PI4K2B: variants seen among roughly 807,000 people sequenced by gnomAD.
The protein encoded by PI4K2B is phosphatidylinositol 4-kinase type 2-beta.
In PI4K2B, 46 loss-of-function variants were observed where a neutral mutation model predicts 56.6. The ratio of observed to expected loss-of-function variants is 0.81; its 90% CI spans 0.64 to 1.04. The LOEUF (loss-of-function observed/expected upper bound fraction) is 1.04, where lower values mean the gene tolerates loss of function less well. Ranked by LOEUF, PI4K2B falls within the 50% of genes least tolerant of loss-of-function variation. PI4K2B has a pLI of 0.00. For synonymous variants in PI4K2B, 211 were observed against 223.8 expected (o/e 0.94, Z 0.51); for missense variants, 556 against 607.7 (o/e 0.91, Z 0.89).
intron 6 of PI4K2B, among the ~76,000 whole-genome samples, 167 bp from the exon 7 acceptor site, chr4:25,263,583 A>G (rs1335995438): frequency 1.3e-5 from 2 of 152,148 alleles, no homozygotes; most frequent in Non-Finnish European, 1.5e-5. Flanking sequence ...TTTTTCAGAC[A>G]GTCTCTTCCA....
At position 25,235,999 on chromosome 4, in the gene PI4K2B, A is replaced by AAAC. The variant is rs149636388; in HGVS notation, c.268+1583_268+1585dup. 7.3e-3 allele frequency among the ~76,000 whole-genome samples: 1,110 copies of AAAC among 151,476 alleles called. 16 individuals are homozygous for AAAC. The highest frequency in any genetic ancestry group is 0.023 in the African/African-American group (946 of 41,424). The stretch of plus-strand genomic sequence containing the variant: ...CGAGATCCCCATCTCTATAAAAAAT[A>AAAC]AACAACAACAACAACAAAAATTCAA... On this transcript the variant is annotated intron_variant, in intron 1 of 9. Coordinates refer to ENST00000264864, the MANE Select transcript of PI4K2B (RefSeq NM_018323.4).
intron 7 of PI4K2B, among the ~76,000 whole-genome samples, chr4:25,267,278 GA>G (rs1386285191): frequency 6.6e-6 from 1 of 152,234 alleles, no homozygotes; most frequent in African/African-American, 2.4e-5. Flanking sequence ...TTTCTTCTAT[GA>G]AATTATTCAG....
intron 1 of PI4K2B, among the ~76,000 whole-genome samples, chr4:25,247,723 G>A (rs1715851895): frequency 6.7e-6 from 1 of 150,066 alleles, no homozygotes; most frequent in South Asian, 2.1e-4. Flanking sequence ...TTTTTTTTTT[G>A]AGACAGGGTC....
chr4:25,255,272 C>G lies in PI4K2B; in HGVS notation c.624+7C>G. On this transcript the variant is annotated splice_region_variant and intron_variant, in intron 3 of 9. Transcript: ENST00000264864. Reference sequence around the variant, plus strand: ...CATTGTACCTAAAACAAAGGTAAGCCAGACTTTATTTTTAACCATGGACTT... The same window carrying G: ...CATTGTACCTAAAACAAAGGTAAGCGAGACTTTATTTTTAACCATGGACTT... The G allele has an allele frequency of 6.2e-7, 1 of 1,608,674 alleles. No individual in the cohort carries two copies. Among genetic ancestry groups the G allele is most frequent in the Non-Finnish European group, 8.5e-7 (1 of 1,175,282 alleles).
rs111372714 is a variant in PI4K2B at position 25,263,646 on chromosome 4, C to T, written c.979-104C>T. On this transcript the variant is annotated intron_variant, in intron 6 of 9. Transcript: ENST00000264864. ...GTAACATTATTTTTATAGGCTCATC[C>T]GAGAGAATATGTTCTTAAACCTCAA... The T allele has an allele frequency of 2.4e-3, 1,175 of 482,824 alleles. 7 individuals are homozygous for T. Among genetic ancestry groups the T allele is most frequent in the African/African-American group, 0.016 (775 of 49,682 alleles). 29.9% of individuals were successfully genotyped at this position (482,824 alleles called of 1,614,324 possible).
chr4:25,251,471 G>A (rs546137243), intron 1 of PI4K2B, among the ~76,000 whole-genome samples: 53 of 152,230 alleles, frequency 3.5e-4, no homozygotes, highest in African/African-American at 1.3e-3. Context: ...AGTTGATTTT[G>A]TGAAGACCCA....
intron 1 of PI4K2B, among the ~76,000 whole-genome samples, chr4:25,239,721 G>C (rs993841113): frequency 6.6e-6 from 1 of 152,262 alleles, no homozygotes; most frequent in African/African-American, 2.4e-5. Context: ...AGTGCGGCCA[G>C]AGTGGGCGCC....
rs1716272904 is a variant in PI4K2B at position 25,256,635 on chromosome 4, A to G, written c.717A>G (p.Lys239=). ...AGTATGCTTTAGAAAAAGTGCCAAA[A>G]GTGGGTAGAAAGTTTCATAGGATAG... ...GKKYALEKVP[K]VGRKFHRIGL... is the part of the protein sequence containing the mutation. The change falls in exon 4 of 10, where the codon AAA becomes AAG. Residue 239 remains lysine (K), a synonymous_variant. Transcript: ENST00000264864. The G allele has an allele frequency of 6.2e-6, 10 of 1,613,828 alleles. No homozygotes were observed. The South Asian group carries it at 1.1e-4, about 18-fold the overall frequency.
Position 25,234,445 on chromosome 4 carries a change from C to G in PI4K2B, c.268+14C>G. ...CCGCGGTTTCAGGTGCGACCCGGCC[C>G]TGCCCCACTCCCCGCGCCCCTCCGG... On this transcript the variant is annotated intron_variant, in intron 1 of 9. Transcript: ENST00000264864. 7.8e-7 allele frequency: 1 copy of G among 1,278,116 alleles called. No homozygotes were observed. 79.2% of individuals were successfully genotyped at this position (1,278,116 alleles called of 1,614,324 possible). A position where few individuals can be genotyped will look rare whatever the true frequency, so the allele number is the denominator to read the frequency against.
intron 6 of PI4K2B, 68 bp from the exon 7 acceptor site, chr4:25,263,681 TA>T (rs1275549150): frequency 3.3e-6 from 2 of 602,376 alleles, no homozygotes; most frequent in South Asian, 2.5e-5. Flanking sequence ...ATAATTATTA[TA>T]AATAATTTAT....
At chr4:25,267,946 T>G (rs1577696801) in intron 7 of PI4K2B, 5 of 679,246 alleles carry the variant, frequency 7.4e-6, no homozygotes, top group Non-Finnish European at 9.1e-6. Flanking sequence ...TGTGCCCGGG[T>G]GCGGTGATAT....
intron 9 of PI4K2B, among the ~76,000 whole-genome samples, chr4:25,274,197 A>G (rs988105784): frequency 6.6e-6 from 1 of 152,202 alleles, no homozygotes; most frequent in African/African-American, 2.4e-5. Context: ...TTTGATGTAT[A>G]TAGTGCAGTA....
intron 1 of PI4K2B, 37 bp downstream of exon 1, chr4:25,234,468 C>T (rs1448722979): frequency 4.0e-6 from 5 of 1,241,354 alleles, no homozygotes; most frequent in Non-Finnish European, 5.1e-6. Context: ...CGCGCCCCTC[C>T]GGGCGGCTGC....
chr4:25,255,479 C>T (rs958925032), intron 3 of PI4K2B, among the ~76,000 whole-genome samples: 3 of 151,828 alleles, frequency 2.0e-5, no homozygotes, highest in Non-Finnish European at 2.9e-5. Context: ...TGAGATCTGA[C>T]GATGCTAACA....
chr4:25,261,471 A>G (rs1315048165), intron 6 of PI4K2B, among the ~76,000 whole-genome samples: 16 of 152,172 alleles, frequency 1.1e-4, no homozygotes, highest in Non-Finnish European at 2.4e-4. Flanking sequence ...ATACTTTTAC[A>G]AGTTTAAAAC....
chr4:25,254,353 A>T, intron 2 of PI4K2B: 26 of 806,434 alleles, frequency 3.2e-5, no homozygotes, highest in Non-Finnish European at 3.9e-5. Flanking sequence ...TAGATAGTGA[A>T]TAATAACACT....
intron 3 of PI4K2B, among the ~76,000 whole-genome samples, chr4:25,256,003 T>C (rs1716250073): frequency 6.7e-6 from 1 of 150,020 alleles, no homozygotes; most frequent in Admixed American, 6.6e-5. Context: ...ACTGCAGCCT[T>C]GTCCTGCTGG....
At chr4:25,258,759 CAT>C (rs1226173063) in intron 4 of PI4K2B, among the ~76,000 whole-genome samples, 2 of 152,036 alleles carry the variant, frequency 1.3e-5, no homozygotes, top group Admixed American at 6.6e-5. Flanking sequence ...ACCTTGAAGA[CAT>C]GTGTTTATTC....
At chr4:25,271,849 T>TA (rs1334819643) in intron 9 of PI4K2B, among the ~76,000 whole-genome samples, 1 of 152,174 alleles carries the variant, frequency 6.6e-6, no homozygotes, top group Non-Finnish European at 1.5e-5. Flanking sequence ...TTTAAATTTT[T>TA]AAAAAATACC....
Sources: allele counts gnomAD v4.1 joint callset (sites outside exome capture counted in the v4.1 genomes callset), GRCh38; gene constraint gnomAD v4.1.1; transcripts MANE v1.5; gene names NCBI Gene and HGNC (gene_info 2026-07-23, HGNC 2026-07-21).